The following SBK1 variants were observed in gnomAD, a reference collection of about 807,000 sequenced individuals.
SBK1 encodes SH3 domain binding kinase 1, also known as serine/threonine-protein kinase SBK1.
SBK1 carries 11 observed loss-of-function variants against 24.4 expected under a neutral mutation model. The ratio of observed to expected loss-of-function variants is 0.45; its 90% confidence interval spans 0.28 to 0.75. SBK1 has a LOEUF of 0.75. Among genes scored for constraint, SBK1 ranks in the 30% least tolerant of loss-of-function variants. The pLI is 0.12. For missense variants in SBK1, 467 were observed against 620.5 expected (o/e 0.75, Z 2.63); for synonymous variants, 308 against 284.4 (o/e 1.08, Z -0.83).
intron 1 of SBK1, among the ~76,000 whole-genome samples, chr16:28,308,720 T>C (rs2044733201): frequency 6.6e-6 from 1 of 150,406 alleles, no homozygotes; most frequent in Admixed American, 6.7e-5. Context: ...GCACAAGCTA[T>C]CGTGCCTGGC....
intron 1 of SBK1, among the ~76,000 whole-genome samples, chr16:28,267,288 G>A (rs1259447623): frequency 2.6e-5 from 4 of 152,222 alleles, no homozygotes; most frequent in East Asian, 3.9e-4. Flanking sequence ...TCGAACTTCC[G>A]AGCTCAAGTG....
rs145464852 is a variant in SBK1, at chr16:28,314,510, G to A, written c.-7-2875G>A. ...AGATGAGGAAACTGAGGCACAGAGA[G>A]AGGAAGTAACTTGCCCAAGGACATC... On this transcript the variant is annotated intron_variant, in intron 1 of 3. Transcript: ENST00000341901. 2.9e-4 allele frequency among the ~76,000 whole-genome samples: 44 copies of A among 152,198 alleles called. 1 individual carries two copies. The East Asian group carries it at 8.1e-3, about 28-fold the overall frequency.
Position 28,321,214 on chromosome 16 carries a change from CACACACACACACACACACACA to C in SBK1, c.*294_*314del. 5.2e-6 allele frequency: 1 copy of C among 191,544 alleles called. No homozygotes were observed. The highest frequency in any genetic ancestry group is 1.1e-5 in the Non-Finnish European group (1 of 94,666). 11.9% of individuals were successfully genotyped at this position (191,544 alleles called of 1,614,324 possible). A position where few individuals can be genotyped will look rare whatever the true frequency, so the allele number is the denominator to read the frequency against. ...ACACACACACACACACACACACACA[CACACACACACACACACACACA>C]CACGCCAGGAGCAAGGGAGCTTTCG... On this transcript the variant is annotated 3_prime_UTR_variant, in exon 4 of 4. Coordinates refer to ENST00000341901, the MANE Select transcript of SBK1 (RefSeq NM_001024401.3).
chr16:28,280,149 A>ATATGTGTGTGTGTGTGTGTGTGTG (rs1230385223), intron 1 of SBK1, among the ~76,000 whole-genome samples: 92 of 39,306 alleles, frequency 2.3e-3, no homozygotes, highest in Non-Finnish European at 3.7e-3. Flanking sequence ...ATATATATAT[A>ATATGTGTGTGTGTGTGTGTGTGTG]TGTGTGTGTG....
At chr16:28,287,055 A>G (rs1319718236) in intron 1 of SBK1, 1 of 151,996 alleles carries the variant, frequency 6.6e-6, no homozygotes, top group Non-Finnish European at 1.5e-5. Flanking sequence ...AGATCGCATC[A>G]TTGCATTCCA....
At position 28,320,502 on chromosome 16, in the gene SBK1, G is replaced by T; in HGVS notation, c.856G>T (p.Glu286Ter). The part of the protein sequence containing the change: ...GLPSQWRRFT[E>*]PALRMFQRLL... Reference sequence around the variant, plus strand: ...GCCTTCGCAGTGGCGCCGCTTCACCGAGCCCGCGCTGCGCATGTTCCAGCG... The same window carrying T: ...GCCTTCGCAGTGGCGCCGCTTCACCTAGCCCGCGCTGCGCATGTTCCAGCG... Residue 286 changes from glutamate (E) to a stop codon, truncating the protein, a stop_gained, in exon 4 of 4, where the codon GAG (glutamate) becomes TAG (stop). Coordinates refer to ENST00000341901, the MANE Select transcript of SBK1 (RefSeq NM_001024401.3). LOFTEE classifies it high-confidence loss of function. This position sits in a 1 kb window ranked among gnomAD's most constrained non-coding sequence, Gnocchi z 8.5. The T allele has an allele frequency of 6.4e-7, 1 of 1,570,754 alleles. No homozygotes were observed. Among genetic ancestry groups the T allele is most frequent in the Non-Finnish European group, 8.6e-7 (1 of 1,164,766 alleles).
chr16:28,316,595 A>G (rs1177673571), intron 1 of SBK1, among the ~76,000 whole-genome samples: 1 of 151,236 alleles, frequency 6.6e-6, no homozygotes, highest in Non-Finnish European at 1.5e-5. Flanking sequence ...AGAGATGCCA[A>G]CTCTACAAAA....
intron 1 of SBK1, among the ~76,000 whole-genome samples, chr16:28,272,433 C>A (rs1349198929): frequency 6.6e-6 from 1 of 151,892 alleles, no homozygotes; most frequent in Non-Finnish European, 1.5e-5. Flanking sequence ...TACTGATGAG[C>A]TATTCCCCAA....
chr16:28,301,420 G>GGAGGCT (rs2044677986), intron 1 of SBK1, among the ~76,000 whole-genome samples: 1 of 152,232 alleles, frequency 6.6e-6, no homozygotes, highest in Non-Finnish European at 1.5e-5. Flanking sequence ...AGCTGGGAGG[G>GGAGGCT]GAGGCTGAGG....
At position 28,317,682 on chromosome 16, in the gene SBK1, G is replaced by T; in HGVS notation, c.226+65G>T. 1 of 1,131,116 alleles carries T rather than the reference G, an allele frequency of 8.8e-7. No homozygotes were observed. The highest frequency in any genetic ancestry group is 2.4e-5 in the East Asian group (1 of 41,358). 70.1% of individuals were successfully genotyped at this position (1,131,116 alleles called of 1,614,324 possible). A position where few individuals can be genotyped will look rare whatever the true frequency, so the allele number is the denominator to read the frequency against. On this transcript the variant is annotated intron_variant, in intron 2 of 3. Coordinates refer to ENST00000341901, the MANE Select transcript of SBK1 (RefSeq NM_001024401.3). The surrounding 1 kb of genome is among the most constrained non-coding windows in gnomAD (Gnocchi z 4.2). ...GGGGCAGGGCTGGGAGGTCAGGGTT[G>T]GGGGACATGACCTTGCAGCTGGGCC...
intron 1 of SBK1, among the ~76,000 whole-genome samples, chr16:28,272,324 C>G (rs911287909): frequency 1.3e-5 from 2 of 152,128 alleles, no homozygotes; most frequent in African/African-American, 4.8e-5. Flanking sequence ...CTAGCCTCAG[C>G]CTCCCAAAGT....
intron 1 of SBK1, among the ~76,000 whole-genome samples, chr16:28,312,132 A>G: frequency 6.6e-6 from 1 of 152,244 alleles, no homozygotes; most frequent in Non-Finnish European, 1.5e-5. Flanking sequence ...TCAGGGGAGC[A>G]GCCCAGCGTC....
At chr16:28,310,257 C>T (rs141796631) in intron 1 of SBK1, among the ~76,000 whole-genome samples, 6 of 152,338 alleles carry the variant, frequency 3.9e-5, no homozygotes, top group South Asian at 2.1e-4. Context: ...GCTGACAGCC[C>T]GGCGTGAACA....
Position 28,320,757 on chromosome 16 carries a change from G to A in SBK1, c.1111G>A (p.Gly371Arg). 1.6e-6 allele frequency: 2 copies of A among 1,289,094 alleles called. No homozygotes were observed. Among genetic ancestry groups the A allele is most frequent in the Non-Finnish European group, 9.9e-7 (1 of 1,009,274 alleles). The allele number at this position is 1,289,094 out of a possible 1,614,324, so 79.9% of individuals were successfully genotyped here. ...CTCCCGGCCCGCGCCCCCCGCCGTC[G>A]GGTCGGTGCCCTTGCCCGTGCCGGT... ...SGSRPAPPAV[G>R]SVPLPVPVPV... Residue 371 changes from glycine to arginine, a missense_variant, in exon 4 of 4, where the codon GGG (glycine) becomes AGG (arginine). By Grantham distance (125) the Gly-to-Arg change is moderately radical (BLOSUM62 -2). Around this residue, in one of 4 missense-constraint regions of SBK1, gnomAD observed 166 missense variants for 146.8 expected, o/e 1.13. Coordinates refer to ENST00000341901, the MANE Select transcript of SBK1 (RefSeq NM_001024401.3). The surrounding 1 kb of genome is among the most constrained non-coding windows in gnomAD (Gnocchi z 8.5).
chr16:28,280,884 C>T (rs2044529450), intron 1 of SBK1, among the ~76,000 whole-genome samples: 1 of 151,806 alleles, frequency 6.6e-6, no homozygotes, highest in Non-Finnish European at 1.5e-5. Context: ...AGACTGGTCT[C>T]GAACTCCTGA....
chr16:28,283,721 T>C (rs1413628548), intron 1 of SBK1, among the ~76,000 whole-genome samples: 1 of 152,144 alleles, frequency 6.6e-6, no homozygotes, highest in East Asian at 1.9e-4. Flanking sequence ...GGGGTTCTGT[T>C]ACCAGGTAGA....
chr16:28,292,931 C>T lies in SBK1; in HGVS notation c.-377C>T, dbSNP rs557915949. On this transcript the variant is annotated 5_prime_UTR_variant, in exon 1 of 4. Coordinates refer to ENST00000341901, the MANE Select transcript of SBK1 (RefSeq NM_001024401.3). ...TCAGTCTGGGCCCCCGCCCCAAGACCTAGAACGCAGTGCCCCCAGGCCGGG... is the reference window on the plus strand; with the variant it reads ...TCAGTCTGGGCCCCCGCCCCAAGACTTAGAACGCAGTGCCCCCAGGCCGGG... 1.0e-6 allele frequency: 1 copy of T among 974,406 alleles called. No individual in the cohort carries two copies. Among genetic ancestry groups the T allele is most frequent in the African/African-American group, 1.8e-5 (1 of 57,010 alleles). The allele number at this position is 974,406 out of a possible 1,614,324, so 60.4% of individuals were successfully genotyped here. A position where few individuals can be genotyped will look rare whatever the true frequency, so the allele number is the denominator to read the frequency against.
At chr16:28,310,034 G>A (rs940486465) in intron 1 of SBK1, among the ~76,000 whole-genome samples, 7 of 152,198 alleles carry the variant, frequency 4.6e-5, no homozygotes, top group Admixed American at 6.5e-5. Flanking sequence ...GCTCAGTCTT[G>A]CTTCTTGCTT....
chr16:28,316,647 A>G (rs1012957820), intron 1 of SBK1, among the ~76,000 whole-genome samples: 4 of 152,146 alleles, frequency 2.6e-5, no homozygotes, highest in Non-Finnish European at 5.9e-5. Flanking sequence ...GCAAACTACC[A>G]TGGCACACGT....
Sources: gnomAD v4.1 joint callset for allele counts (sites outside exome capture counted in the v4.1 genomes callset) on GRCh38, gnomAD v4.1.1 for gene constraint, gnomAD v4.1.1 regional missense constraint, Gnocchi (gnomAD v3.1) non-coding constraint, MANE v1.5 for transcripts, NCBI Gene and HGNC (gene_info 2026-07-23, HGNC 2026-07-21) for gene names.